The following LAMB4 variants were observed in gnomAD, a reference collection of about 807,000 sequenced individuals.
LAMB4 encodes the protein laminin subunit beta 4, also known as laminin subunit beta-4.
A neutral mutation model predicts 199.2 loss-of-function variants in LAMB4; 196 were observed. That is an observed-to-expected ratio of 0.98 (90% CI 0.88 to 1.11). LAMB4 has a LOEUF of 1.11. Ranked by LOEUF, LAMB4 falls within the 50% of genes least tolerant of loss-of-function variation. The pLI is 0.00. For synonymous variants in LAMB4, 744 were observed against 770.6 expected (o/e 0.97, Z 0.57); for missense variants, 2,080 against 2,171.2 (o/e 0.96, Z 0.83).
intron 23 of LAMB4, among the ~76,000 whole-genome samples, chr7:108,062,118 G>A (rs75392507): frequency 6.6e-6 from 1 of 152,098 alleles, no homozygotes; most frequent in African/African-American, 2.4e-5. Flanking sequence ...AAAAAACTAA[G>A]CATGTTATTA....
chr7:108,040,994 A>G (rs936955035), intron 29 of LAMB4, among the ~76,000 whole-genome samples: 1 of 152,234 alleles, frequency 6.6e-6, no homozygotes, highest in Admixed American at 6.5e-5. Context: ...AAATTTTTGC[A>G]AACTATGCAT....
intron 17 of LAMB4, among the ~76,000 whole-genome samples, chr7:108,072,708 T>A (rs996603829): frequency 2.6e-5 from 4 of 152,134 alleles, no homozygotes; most frequent in African/African-American, 9.7e-5. Flanking sequence ...GGATAGTACA[T>A]GTCTTGTTTA....
intron 14 of LAMB4, among the ~76,000 whole-genome samples, chr7:108,091,268 T>C (rs556207497): frequency 3.9e-5 from 6 of 152,310 alleles, no homozygotes; most frequent in Non-Finnish European, 7.4e-5. Flanking sequence ...CACCTCACCC[T>C]TTTATAGTTT....
intron 1 of LAMB4, among the ~76,000 whole-genome samples, chr7:108,126,720 G>A (rs189597155): frequency 0.012 from 1,846 of 148,492 alleles, 82 homozygotes; most frequent in East Asian, 0.12. Flanking sequence ...GCCCGCCACC[G>A]CGCCCGACTA....
At chr7:108,121,366 CT>C (rs2038591413) in intron 2 of LAMB4, among the ~76,000 whole-genome samples, 1 of 152,188 alleles carries the variant, frequency 6.6e-6, no homozygotes, top group Admixed American at 6.5e-5. Context: ...ACATGAGATG[CT>C]TTCTCACACT....
At chr7:108,038,959 G>A (rs1178090978) in intron 29 of LAMB4, among the ~76,000 whole-genome samples, 2 of 152,154 alleles carry the variant, frequency 1.3e-5, no homozygotes, top group Non-Finnish European at 2.9e-5. Context: ...ATCAATATAA[G>A]GCAAATGCTA....
At chr7:108,049,122 G>T (rs1459541451) in intron 27 of LAMB4, among the ~76,000 whole-genome samples, 2 of 151,410 alleles carry the variant, frequency 1.3e-5, no homozygotes, top group Non-Finnish European at 1.5e-5. Flanking sequence ...TTTACTCTTT[G>T]ATCAATTTTT....
Position 108,090,072 on chromosome 7 carries a change from T to C in LAMB4, c.1701+1554A>G, listed in dbSNP as rs1459737123. 1.1e-4 allele frequency among the ~76,000 whole-genome samples: 17 copies of C among 152,278 alleles called. 1 individual carries two copies. In the East Asian group the frequency reaches 3.3e-3, roughly 29 times the overall value. On this transcript the variant is annotated intron_variant, in intron 14 of 33. Coordinates refer to ENST00000388781, the MANE Select transcript of LAMB4 (RefSeq NM_007356.3). ...AGTGACTTACCTAACCTCTCTAATGTTTTTTCCTCATCTGGGAATTAGGGA... is the reference window on the plus strand; with the variant it reads ...AGTGACTTACCTAACCTCTCTAATGCTTTTTCCTCATCTGGGAATTAGGGA...
At chr7:108,106,858 C>T (rs535333598) in intron 6 of LAMB4, among the ~76,000 whole-genome samples, 2 of 152,276 alleles carry the variant, frequency 1.3e-5, no homozygotes, top group East Asian at 1.9e-4. Context: ...TGAGCCATCA[C>T]ACCTGACCGT....
intron 3 of LAMB4, among the ~76,000 whole-genome samples, chr7:108,115,110 G>A (rs1295392961): frequency 6.6e-6 from 1 of 152,168 alleles, no homozygotes; most frequent in African/African-American, 2.4e-5. Flanking sequence ...GAGTCAATTA[G>A]GTTTCCTCTA....
chr7:108,068,299 T>C, intron 18 of LAMB4, 140 bp from the exon 19 acceptor site: 1 of 835,776 alleles, frequency 1.2e-6, no homozygotes, highest in Admixed American at 2.8e-5. Context: ...ATAGGAATAA[T>C]ATAGAATCTG....
At chr7:108,100,072 A>C (rs2037764533) in intron 10 of LAMB4, among the ~76,000 whole-genome samples, 1 of 152,214 alleles carries the variant, frequency 6.6e-6, no homozygotes, top group Admixed American at 6.5e-5. Flanking sequence ...CCAAAGAATC[A>C]GTATTGAGTT....
At chr7:108,102,198 T>A (rs1017613669) in intron 10 of LAMB4, among the ~76,000 whole-genome samples, 3 of 152,174 alleles carry the variant, frequency 2.0e-5, no homozygotes, top group African/African-American at 7.2e-5. Context: ...ATAAGTTTTG[T>A]CATACCTAAA....
intron 11 of LAMB4, 27 bp from the exon 12 acceptor site, chr7:108,095,364 C>G (rs773697146): frequency 1.3e-6 from 2 of 1,506,934 alleles, no homozygotes; most frequent in South Asian, 2.3e-5. Flanking sequence ...CACAATTATT[C>G]TCATTCTTAA....
intron 15 of LAMB4, 81 bp downstream of exon 15, chr7:108,079,520 C>T: frequency 8.3e-7 from 1 of 1,198,604 alleles, no homozygotes; most frequent in Non-Finnish European, 1.2e-6. Context: ...TGAACCTATT[C>T]TAGCAAGGCT....
At chr7:108,011,759 G>A in the LAMB4 span, among the ~76,000 whole-genome samples, 1 of 152,092 alleles carries the variant, frequency 6.6e-6, no homozygotes, top group East Asian at 1.9e-4. Context: ...GACCTATTAT[G>A]GGCCAAGCAC....
At chr7:108,041,460 G>C (rs2035419239) in intron 29 of LAMB4, among the ~76,000 whole-genome samples, 1 of 152,160 alleles carries the variant, frequency 6.6e-6, no homozygotes, top group Non-Finnish European at 1.5e-5. Context: ...GTTCATTGCA[G>C]CATTATTCAC....
intron 6 of LAMB4, 53 bp downstream of exon 6, chr7:108,107,578 T>C: frequency 2.2e-6 from 3 of 1,362,618 alleles, no homozygotes; most frequent in Non-Finnish European, 3.0e-6. Context: ...AAGTTAATTA[T>C]ACTTTTTAAA....
chr7:108,119,523 T>C (rs967136432), intron 2 of LAMB4, among the ~76,000 whole-genome samples: 2 of 152,196 alleles, frequency 1.3e-5, no homozygotes, highest in Admixed American at 6.5e-5. Context: ...AAAGGTTATG[T>C]ACTGCATAAT....
Sources: gnomAD v4.1 joint callset for allele counts (sites outside exome capture counted in the v4.1 genomes callset) on GRCh38, gnomAD v4.1.1 for gene constraint, MANE v1.5 for transcripts, NCBI Gene and HGNC (gene_info 2026-07-23, HGNC 2026-07-21) for gene names.